Variants in MIS18A observed in about 807,000 individuals in gnomAD.
MIS18A encodes MIS18 kinetochore protein A, also known as protein Mis18-alpha.
In MIS18A, 14 loss-of-function variants were observed where a neutral mutation model predicts 25.0. The ratio of observed to expected loss-of-function variants is 0.56; its 90% CI spans 0.37 to 0.88. The LOEUF (loss-of-function observed/expected upper bound fraction) is 0.88, where lower values mean the gene tolerates loss of function less well. MIS18A is among the 40% of genes least tolerant of loss of function. The probability of loss-of-function intolerance (pLI) is 0.00; values close to 1 mark genes in which losing one functional copy is unlikely to be tolerated. For synonymous variants in MIS18A, 134 were observed against 118.6 expected, an observed-to-expected ratio of 1.13 and a Z score of -0.84; for missense variants, 292 against 290.8, an observed-to-expected ratio of 1.00 and a Z score of -0.03.
chr21:32,226,399 G>A, the MIS18A span, among the ~76,000 whole-genome samples: 1 of 151,990 alleles, frequency 6.6e-6, no homozygotes, highest in Non-Finnish European at 1.5e-5. Context: ...AAAATAAAAG[G>A]ATAGGAAAAT....
the MIS18A span, among the ~76,000 whole-genome samples, chr21:32,252,106 A>G: frequency 6.6e-6 from 1 of 152,118 alleles, no homozygotes; most frequent in Non-Finnish European, 1.5e-5. Context: ...GGATCACTTG[A>G]GCCCACAAGT....
chr21:32,274,434 A>AC, intron 2 of MIS18A, among the ~76,000 whole-genome samples: 1 of 150,138 alleles, frequency 6.7e-6, no homozygotes, highest in South Asian at 2.1e-4. Context: ...CGAATTCCTG[A>AC]CCCCCCGGTG....
the MIS18A span, among the ~76,000 whole-genome samples, chr21:32,194,062 G>C: frequency 1.3e-5 from 2 of 152,146 alleles, no homozygotes; most frequent in African/African-American, 4.8e-5. Flanking sequence ...GTTCTGAAAT[G>C]ATGAGGCTGT....
At chr21:32,179,441 AC>A in the MIS18A span, among the ~76,000 whole-genome samples, 1,225 of 42,718 alleles carry the variant, frequency 0.029, 22 homozygotes, top group African/African-American at 0.11. Context: ...GCACACATGC[AC>A]ACACACACAC....
At position 32,276,460 on chromosome 21, in the gene MIS18A, CAAAAA is replaced by C. The variant is rs558102501; in HGVS notation, c.335-1569_335-1565del. ...TGGGCAACACAGTGAGACTCTGTCT[CAAAAA>C]AAAAAAAAAAAAAAAAAAAAAGGAA... On this transcript the variant is annotated intron_variant, in intron 1 of 4. Coordinates refer to ENST00000290130, the MANE Select transcript of MIS18A (RefSeq NM_018944.3). Among the ~76,000 whole-genome samples the C allele has an allele frequency of 1.6e-3, 120 of 72,728 alleles. 2 individuals carry two copies. The highest frequency in any genetic ancestry group is 5.3e-3 in the African/African-American group (112 of 21,322). The allele number at this position is 72,728 out of a possible 152,430, so 47.7% of individuals were successfully genotyped here. A position where few individuals can be genotyped will look rare whatever the true frequency, so the allele number is the denominator to read the frequency against.
At chr21:32,202,362 G>GA in the MIS18A span, among the ~76,000 whole-genome samples, 9 of 151,678 alleles carry the variant, frequency 5.9e-5, no homozygotes, top group South Asian at 2.1e-4. Context: ...AACTTCAAAG[G>GA]AAAAAAAATC....
At chr21:32,231,630 A>G in the MIS18A span, among the ~76,000 whole-genome samples, 2 of 152,184 alleles carry the variant, frequency 1.3e-5, no homozygotes, top group Non-Finnish European at 2.9e-5. Context: ...CAGTCTAGCA[A>G]TGCCTCAAAG....
the MIS18A span, among the ~76,000 whole-genome samples, chr21:32,202,593 C>G: frequency 1.3e-5 from 2 of 152,210 alleles, no homozygotes; most frequent in Admixed American, 6.5e-5. Context: ...CGCTTTTCAT[C>G]TTGCAAAGCT....
chr21:32,187,051 A>G, the MIS18A span, among the ~76,000 whole-genome samples: 1 of 152,158 alleles, frequency 6.6e-6, no homozygotes, highest in Non-Finnish European at 1.5e-5. Context: ...CGAAGGGGAC[A>G]ATGGAGCTGG....
At chr21:32,254,682 G>T in the MIS18A span, among the ~76,000 whole-genome samples, 1 of 152,090 alleles carries the variant, frequency 6.6e-6, no homozygotes, top group Admixed American at 6.6e-5. Context: ...CCAGAGGGAG[G>T]TTAAGTAACA....
chr21:32,274,774 A>G (rs1332612629), intron 2 of MIS18A, 56 bp downstream of exon 2: 13 of 1,393,618 alleles, frequency 9.3e-6, no homozygotes, highest in Admixed American at 3.8e-5. Flanking sequence ...GACCTTTTAA[A>G]GATTTTTATT....
the MIS18A span, among the ~76,000 whole-genome samples, chr21:32,230,106 C>T: frequency 6.6e-6 from 1 of 152,192 alleles, no homozygotes; most frequent in Non-Finnish European, 1.5e-5. Context: ...TCCAAAGTTC[C>T]AGATAGGTCT....
At chr21:32,185,071 G>A in the MIS18A span, among the ~76,000 whole-genome samples, 3 of 152,134 alleles carry the variant, frequency 2.0e-5, no homozygotes, top group South Asian at 4.2e-4. Context: ...CATTGCCTAC[G>A]ATGTAAGTAC....
At chr21:32,249,389 G>A in the MIS18A span, among the ~76,000 whole-genome samples, 1 of 152,174 alleles carries the variant, frequency 6.6e-6, no homozygotes, top group African/African-American at 2.4e-5. Context: ...GACAGCACAG[G>A]TGCAGTGAGC....
the MIS18A span, among the ~76,000 whole-genome samples, chr21:32,178,501 A>T: frequency 4.1e-3 from 619 of 152,268 alleles, 5 homozygotes; most frequent in Middle Eastern, 0.017. Context: ...TACTTACTAA[A>T]CTATCTCAAG....
chr21:32,215,744 G>A, the MIS18A span, among the ~76,000 whole-genome samples: 1 of 152,138 alleles, frequency 6.6e-6, no homozygotes. Context: ...ATTCCAATTA[G>A]TCATTAGTCA....
At chr21:32,224,353 C>T in the MIS18A span, among the ~76,000 whole-genome samples, 5 of 150,872 alleles carry the variant, frequency 3.3e-5, no homozygotes, top group Non-Finnish European at 5.9e-5. Flanking sequence ...TGTTTGCAGA[C>T]GACATGACTG....
the MIS18A span, among the ~76,000 whole-genome samples, chr21:32,193,254 C>T: frequency 6.6e-6 from 1 of 152,096 alleles, no homozygotes; most frequent in Non-Finnish European, 1.5e-5. Context: ...TCCTTAACTG[C>T]AAGGAGAAAA....
the MIS18A span, among the ~76,000 whole-genome samples, chr21:32,208,726 A>C: frequency 6.6e-6 from 1 of 152,220 alleles, no homozygotes; most frequent in African/African-American, 2.4e-5. Flanking sequence ...ACCAATTTAC[A>C]GGAGCTTTGG....
Sources: gnomAD v4.1 joint callset for allele counts (sites outside exome capture counted in the v4.1 genomes callset) on GRCh38, gnomAD v4.1.1 for gene constraint, MANE v1.5 for transcripts, NCBI Gene and HGNC (gene_info 2026-07-23, HGNC 2026-07-21) for gene names.